PLEKHA7: variants seen among roughly 807,000 people sequenced by gnomAD.
PLEKHA7 encodes the protein pleckstrin homology domain-containing family A member 7.
PLEKHA7 carries 104 observed loss-of-function variants against 170.0 expected under a neutral mutation model. That is an observed-to-expected ratio of 0.61 (90% CI 0.52 to 0.72). PLEKHA7 has a LOEUF of 0.72. Ranked by LOEUF, PLEKHA7 falls within the 30% of genes least tolerant of loss-of-function variation. The pLI, the probability that PLEKHA7 is intolerant of heterozygous loss-of-function variation, is 0.00. For missense variants in PLEKHA7, 1,615 were observed against 1,671.7 expected (o/e 0.97, Z 0.59); for synonymous variants, 648 against 660.8 (o/e 0.98, Z 0.30).
intron 17 of PLEKHA7, among the ~76,000 whole-genome samples, chr11:16,795,851 C>CTTTTTTT (rs1179377641): frequency 1.3e-4 from 12 of 93,064 alleles, no homozygotes; most frequent in Non-Finnish European, 2.0e-4. Flanking sequence ...CAGTTTTTTC[C>CTTTTTTT]TTTTTTTTTT....
intron 3 of PLEKHA7, among the ~76,000 whole-genome samples, chr11:16,946,156 T>C (rs1452191569): frequency 6.6e-6 from 1 of 152,208 alleles, no homozygotes; most frequent in Non-Finnish European, 1.5e-5. Flanking sequence ...TGGGTGCTTC[T>C]GCTTCTAGCT....
chr11:16,939,834 A>G (rs941717774), intron 3 of PLEKHA7, among the ~76,000 whole-genome samples: 1 of 152,212 alleles, frequency 6.6e-6, no homozygotes, highest in Non-Finnish European at 1.5e-5. Flanking sequence ...TGAAGAGTGA[A>G]AGGGTGCCTT....
Position 16,801,021 on chromosome 11 carries a change from G to A in PLEKHA7, c.2362C>T (p.Leu788=), listed in dbSNP as rs1848560616. 1 of 1,614,250 alleles carries A rather than the reference G, an allele frequency of 6.2e-7. No homozygotes were observed. The highest frequency in any genetic ancestry group is 2.2e-5 in the East Asian group (1 of 44,888). The change falls in exon 17 of 27, where the codon CTG becomes TTG. Residue 788 remains leucine, a synonymous_variant. Transcript: ENST00000531066. The part of the protein sequence containing the change: ...YLKLENDVEQ[L]KQTLQEQHRR... ...TGTTGCTCCTGCAGGGTCTGCTTCA[G>A]CTGTTCCACATCATTCTCCAACTTC...
intron 3 of PLEKHA7, among the ~76,000 whole-genome samples, chr11:16,948,893 TCTATAGAGA>T (rs1159869389): frequency 1.3e-5 from 2 of 152,114 alleles, no homozygotes; most frequent in African/African-American, 4.8e-5. Context: ...GGGTTTCAGG[TCTATAGAGA>T]CACCTCTCTG....
At chr11:16,916,588 A>G (rs947129281) in intron 3 of PLEKHA7, among the ~76,000 whole-genome samples, 2 of 152,080 alleles carry the variant, frequency 1.3e-5, no homozygotes, top group Non-Finnish European at 2.9e-5. Context: ...GGAACAATCA[A>G]CTCTATTATC....
At chr11:16,825,161 A>G (rs1457163187) in intron 10 of PLEKHA7, among the ~76,000 whole-genome samples, 2 of 152,250 alleles carry the variant, frequency 1.3e-5, no homozygotes, top group Non-Finnish European at 2.9e-5. Context: ...TAAAGAGGTT[A>G]CAGCAACGTA....
At chr11:16,885,876 A>G (rs1856059529) in intron 3 of PLEKHA7, among the ~76,000 whole-genome samples, 1 of 152,124 alleles carries the variant, frequency 6.6e-6, no homozygotes, top group South Asian at 2.1e-4. Context: ...GCATGCCTGT[A>G]GTCCCAGCCA....
chr11:16,890,993 T>C (rs1055258624), intron 3 of PLEKHA7, among the ~76,000 whole-genome samples: 18 of 152,098 alleles, frequency 1.2e-4, no homozygotes, highest in African/African-American at 4.1e-4. Context: ...CTCAAACTCC[T>C]GGGCTCAAGT....
At chr11:16,875,261 C>T (rs183583432) in intron 3 of PLEKHA7, among the ~76,000 whole-genome samples, 1 of 152,210 alleles carries the variant, frequency 6.6e-6, no homozygotes, top group East Asian at 1.9e-4. Context: ...CTCCAAACTA[C>T]CCAATGATGT....
chr11:16,806,736 A>G (rs1229294792), intron 13 of PLEKHA7, among the ~76,000 whole-genome samples: 1 of 152,192 alleles, frequency 6.6e-6, no homozygotes, highest in Non-Finnish European at 1.5e-5. Context: ...TGCCACCTTA[A>G]TCTCAGGGCC....
intron 3 of PLEKHA7, among the ~76,000 whole-genome samples, chr11:16,975,830 T>C (rs1863026133): frequency 6.6e-6 from 1 of 152,262 alleles, no homozygotes; most frequent in African/African-American, 2.4e-5. Context: ...TTTATGACTT[T>C]TTTAAATGCT....
chr11:16,852,363 G>A lies in PLEKHA7; in HGVS notation c.523-8C>T. On this transcript the variant is annotated splice_region_variant and splice_polypyrimidine_tract_variant and intron_variant, in intron 6 of 26. Transcript: ENST00000531066. Reference sequence around the variant, plus strand: ...CCTCATCCCAGAACTGTCCTGCAAAGCAAAGAAAACTAGTCAGGGTAATAT... The same window carrying A: ...CCTCATCCCAGAACTGTCCTGCAAAACAAAGAAAACTAGTCAGGGTAATAT... The A allele has an allele frequency of 1.2e-6, 2 of 1,613,110 alleles. No homozygotes were observed. The highest frequency in any genetic ancestry group is 1.7e-6 in the Non-Finnish European group (2 of 1,179,518).
chr11:16,951,674 G>A (rs969693368), intron 3 of PLEKHA7, among the ~76,000 whole-genome samples: 3 of 152,148 alleles, frequency 2.0e-5, no homozygotes, highest in Non-Finnish European at 2.9e-5. Context: ...AAAACCATAT[G>A]GGAAAGGAGA....
At chr11:16,782,172 C>CA (rs397965722) in intron 26 of PLEKHA7, among the ~76,000 whole-genome samples, 43,726 of 150,850 alleles carry the variant, frequency 0.29, 6,589 homozygotes, top group Admixed American at 0.38. Context: ...CACACACACA[C>CA]CCACACACAC....
At chr11:16,894,893 C>A (rs1856903217) in intron 3 of PLEKHA7, among the ~76,000 whole-genome samples, 1 of 152,136 alleles carries the variant, frequency 6.6e-6, no homozygotes, top group African/African-American at 2.4e-5. Flanking sequence ...ATATTACACT[C>A]CAGGCACTCT....
intron 3 of PLEKHA7, among the ~76,000 whole-genome samples, chr11:17,003,652 G>C (rs759076479): frequency 2.0e-5 from 3 of 152,208 alleles, no homozygotes; most frequent in African/African-American, 7.2e-5. Context: ...ATGTGGTGGA[G>C]GTGAATTAGA....
intron 23 of PLEKHA7, chr11:16,787,760 A>G (rs960181757): frequency 6.6e-6 from 1 of 152,194 alleles, no homozygotes; most frequent in Non-Finnish European, 1.5e-5. Flanking sequence ...CGATTTTTAG[A>G]TAATCTCTAC....
intron 9 of PLEKHA7, among the ~76,000 whole-genome samples, chr11:16,828,908 G>A (rs149895996): frequency 1.3e-5 from 2 of 152,302 alleles, no homozygotes; most frequent in East Asian, 3.9e-4. Context: ...GAAAGCAGAT[G>A]GAGAAACATA....
At chr11:16,902,528 A>G (rs577729630) in intron 3 of PLEKHA7, among the ~76,000 whole-genome samples, 5 of 152,324 alleles carry the variant, frequency 3.3e-5, no homozygotes, top group African/African-American at 1.2e-4. Context: ...TTTTTAATAT[A>G]AACATCCTAG....
Sources: allele counts gnomAD v4.1 joint callset (sites outside exome capture counted in the v4.1 genomes callset), GRCh38; gene constraint gnomAD v4.1.1; transcripts MANE v1.5; gene names NCBI Gene and HGNC (gene_info 2026-07-23, HGNC 2026-07-21).